RNF213: variants seen among roughly 807,000 people sequenced by gnomAD.
RNF213 encodes the protein E3 ubiquitin-protein ligase RNF213.
RNF213 carries 341 observed loss-of-function variants against 514.4 expected under a neutral mutation model. The observed-to-expected ratio is 0.66, with a 90% CI of 0.61 to 0.73. RNF213 has a LOEUF of 0.73. Among genes scored for constraint, RNF213 ranks in the 30% least tolerant of loss-of-function variants. RNF213 has a pLI of 0.00. For synonymous variants in RNF213, 2,655 were observed against 2,658.2 expected (o/e 1.00, Z 0.04); for missense variants, 5,767 against 6,615.6 (o/e 0.87, Z 4.45).
rs577690513 is a variant in RNF213, at chr17:80,307,125, TAGGATGTTC to T, written c.2437_2445del (p.Asp813_Gln815del). ...CCTGTTTTTCTTTTTTTCTCTGCCT[TAGGATGTTC>T]AGGATGTTCAGAACGTTCAGAACAT... is the stretch of plus-strand genomic sequence containing the variant. On this transcript the variant is annotated splice_acceptor_variant and coding_sequence_variant, in exon 13 of 68. Coordinates refer to ENST00000582970, the MANE Select transcript of RNF213 (RefSeq NM_001256071.3). LOFTEE classifies it high-confidence loss of function. The T allele has an allele frequency of 4.4e-4, 710 of 1,613,762 alleles. 3 individuals are homozygous for T. The highest frequency in any genetic ancestry group is 1.7e-3 in the South Asian group (158 of 91,078).
chr17:80,365,515 GGAGGTAGAGGACAGGCCGTTTTCCTTAA>G (rs71852986), intron 42 of RNF213: 14,500 of 152,302 alleles, frequency 0.095, 1,115 homozygotes, highest in African/African-American at 0.22. Flanking sequence ...AGAAAGCAGG[GGAGGTAGAGGACAGGCCGTTTTCCTTAA>G]GAGCCCAATC....
chr17:80,349,429 G>A (rs1322145202), intron 29 of RNF213, among the ~76,000 whole-genome samples: 2 of 152,168 alleles, frequency 1.3e-5, no homozygotes, highest in African/African-American at 2.4e-5. Flanking sequence ...GAAAGCATGA[G>A]TCGTACTATA....
At chr17:80,279,497 C>T (rs1391916457) in intron 3 of RNF213, among the ~76,000 whole-genome samples, 2 of 151,834 alleles carry the variant, frequency 1.3e-5, no homozygotes, top group South Asian at 2.1e-4. Context: ...CAGAGTCTCG[C>T]TCTGTCGCCC....
In RNF213 at chr17:80,288,687, A is replaced by G; in HGVS notation, c.865A>G (p.Met289Val). The change falls in exon 5 of 68, where the codon ATG (methionine) becomes GTG (valine). Residue 289 changes from methionine (M) to valine (V), a missense_variant. Transcript: ENST00000582970. This position sits in a 1 kb window ranked among gnomAD's most constrained non-coding sequence, Gnocchi z 4.9. ...ANAVKGAGKEMKEKTQRMKQP... is the reference protein window; with the variant it reads ...ANAVKGAGKEVKEKTQRMKQP... ...TGCAGTTAAAGGGGCCGGGAAGGAA[A>G]TGAAAGAGAAGACCCAGAGAATGAA... The G allele has an allele frequency of 6.2e-7, 1 of 1,614,210 alleles. No homozygotes were observed. The highest frequency in any genetic ancestry group is 8.5e-7 in the Non-Finnish European group (1 of 1,180,036).
Position 80,340,315 on chromosome 17 carries a change from G to A in RNF213, c.5948G>A (p.Arg1983Gln), listed in dbSNP as rs374031179. The change falls in exon 26 of 68, where the codon CGG (arginine) becomes CAG (glutamine). Residue 1983 changes from arginine (R) to glutamine (Q), a missense_variant. By Grantham distance (43) the Arg-to-Gln change is conservative. This residue lies in a region of RNF213 where 1,377 missense variants were observed against 1,635.2 expected (regional missense o/e 0.84). Transcript: ENST00000582970. The part of the protein sequence containing the change: ...TLSAAAVFND[R>Q]LCVGIVASER... ...TCGGCGGCAGCCGTGTTCAATGACC[G>A]GCTGTGTGTTGGGATCGTGGCCTCG... is the stretch of plus-strand genomic sequence containing the variant. 3.7e-5 allele frequency: 59 copies of A among 1,613,638 alleles called. No homozygotes were observed. The highest frequency in any genetic ancestry group is 6.7e-5 in the East Asian group (3 of 44,900).
At chr17:80,312,373 G>A (rs1307958854) in intron 14 of RNF213, among the ~76,000 whole-genome samples, 3 of 152,142 alleles carry the variant, frequency 2.0e-5, no homozygotes, top group African/African-American at 4.8e-5. Flanking sequence ...TGGTGGGTCC[G>A]GCACGGAGGC....
chr17:80,266,784 G>C (rs906647868), intron 2 of RNF213, among the ~76,000 whole-genome samples: 2 of 152,042 alleles, frequency 1.3e-5, no homozygotes, highest in African/African-American at 4.8e-5. Context: ...TTACAGGTGT[G>C]AGCCACCCAC....
chr17:80,358,370 C>G lies in RNF213; in HGVS notation c.10945C>G (p.Leu3649Val), dbSNP rs747097271. ...MISFIDRDGN[L>V]ELLTRPDTPP... ...ATCATTCATCGACAGAGACGGCAAC[C>G]TAGAGTTACTGACCAGGCCAGATAC... The change falls in exon 37 of 68, where the codon CTA becomes GTA. Residue 3649 changes from leucine (L) to valine (V), a missense_variant. This residue lies in a region of RNF213 where 919 missense variants were observed against 1,121.0 expected (regional missense o/e 0.82). Coordinates refer to ENST00000582970, the MANE Select transcript of RNF213 (RefSeq NM_001256071.3). 5 of 1,614,158 alleles carry G rather than the reference C, an allele frequency of 3.1e-6. No individual in the cohort carries two copies. The South Asian group carries it at 5.5e-5, about 18-fold the overall frequency.
Position 80,319,655 on chromosome 17 carries a change from T to G in RNF213, c.3024+343T>G, listed in dbSNP as rs1050467304. The G allele has an allele frequency of 1.4e-4, 206 of 1,494,458 alleles. 1 individual carries two copies. The South Asian group carries it at 2.4e-3, about 18-fold the overall frequency. 92.6% of individuals were successfully genotyped at this position (1,494,458 alleles called of 1,614,324 possible). A position where few individuals can be genotyped will look rare whatever the true frequency, so the allele number is the denominator to read the frequency against. On this transcript the variant is annotated intron_variant, in intron 17 of 67. Transcript: ENST00000582970. ...GCTGGTTTGATTGATTGTTAACACT[T>G]GCTCAGTAGGTGTGCGGGAAGAGAC...
At chr17:80,357,426 T>G (rs925822825) in intron 36 of RNF213, among the ~76,000 whole-genome samples, 12 of 152,152 alleles carry the variant, frequency 7.9e-5, no homozygotes, top group Admixed American at 1.3e-4. Context: ...CACCTGTCTA[T>G]CAGACACTCA....
rs1247075114 is a variant in RNF213 at position 80,388,478 on chromosome 17, C to T, written c.14923-134C>T. The T allele has an allele frequency of 1.5e-5, 11 of 734,828 alleles. 1 individual carries two copies. The highest frequency in any genetic ancestry group is 7.2e-5 in the South Asian group (5 of 69,148). The allele number at this position is 734,828 out of a possible 1,614,324, so 45.5% of individuals were successfully genotyped here. ...ATGGTGGGTTAATGACGGAGAGGGG[C>T]GCTCTTAGCCAAGGGATACACAGGG... On this transcript the variant is annotated intron_variant, in intron 63 of 67. Coordinates refer to ENST00000582970, the MANE Select transcript of RNF213 (RefSeq NM_001256071.3).
chr17:80,318,659 C>G (rs531711817), intron 16 of RNF213, among the ~76,000 whole-genome samples: 1 of 152,102 alleles, frequency 6.6e-6, no homozygotes, highest in East Asian at 1.9e-4. Flanking sequence ...CTGCAAACTC[C>G]GCCTCCCGGG....
Position 80,354,129 on chromosome 17 carries a change from C to G in RNF213, c.10689C>G (p.Leu3563=), listed in dbSNP as rs1438556280. The part of the protein sequence containing the change: ...SCTRNMRRVV[L]LLGLLNEDDA... ...CGCGCAATATGCGGAGGGTGGTGCT[C>G]CTCCTGGGCCTCTTGAATGAGGATG... The change falls in exon 35 of 68, where the codon CTC becomes CTG. Residue 3563 remains leucine, a synonymous_variant. Transcript: ENST00000582970. 1 of 1,614,052 alleles carries G rather than the reference C, an allele frequency of 6.2e-7. No homozygotes were observed. The highest frequency in any genetic ancestry group is 1.3e-5 in the African/African-American group (1 of 75,044).
At position 80,317,245 on chromosome 17, in the gene RNF213, T is replaced by A. The variant is rs771407521; in HGVS notation, c.2869T>A (p.Leu957Met). The A allele has an allele frequency of 6.2e-7, 1 of 1,612,778 alleles. No homozygotes were observed. Among genetic ancestry groups the A allele is most frequent in the Non-Finnish European group, 8.5e-7 (1 of 1,179,838 alleles). The change falls in exon 16 of 68, where the codon TTG (leucine) becomes ATG (methionine). Residue 957 changes from leucine (L) to methionine (M), a missense_variant. This residue lies in a region of RNF213 where 4 missense variants were observed against 19.1 expected (regional missense o/e 0.21). Coordinates refer to ENST00000582970, the MANE Select transcript of RNF213 (RefSeq NM_001256071.3). The surrounding 1 kb of genome is among the most constrained non-coding windows in gnomAD (Gnocchi z 4.1). ...FPAEHGWKES[L>M]LGDMEWRLTK... ...CGCGGAGCATGGCTGGAAGGAGTCG[T>A]TGCTGGGAGACATGGAATGGAGGCT...
At chr17:80,392,935 C>CG (rs1003013913) in intron 67 of RNF213, among the ~76,000 whole-genome samples, 2 of 151,646 alleles carry the variant, frequency 1.3e-5, no homozygotes, top group African/African-American at 4.9e-5. Flanking sequence ...CTGATGACAA[C>CG]GGGAAAAAGT....
At chr17:80,388,974 T>C (rs181165795) in intron 64 of RNF213, 199 bp from the exon 65 acceptor site, 2 of 632,188 alleles carry the variant, frequency 3.2e-6, no homozygotes, top group African/African-American at 1.8e-5. Context: ...GCTCTCCGCA[T>C]GCGGGTACTG....
rs1258612900 is a variant in RNF213, at chr17:80,344,785, A to G, written c.6450A>G (p.Thr2150=). The change falls in exon 29 of 68, where the codon ACA becomes ACG. Residue 2150 remains threonine, a synonymous_variant. Transcript: ENST00000582970. ...AGCTGAGTGCCCTGAGGAGTGACAC[A>G]GAGCCTGGGATGGATCTGTGGGAGT... ...DMELSALRSD[T]EPGMDLWEFC... 12 of 1,614,104 alleles carry G rather than the reference A, an allele frequency of 7.4e-6. No individual in the cohort carries two copies. The highest frequency in any genetic ancestry group is 1.0e-5 in the Non-Finnish European group (12 of 1,180,050).
intron 39 of RNF213, among the ~76,000 whole-genome samples, chr17:80,362,899 T>C (rs2079107595): frequency 6.6e-6 from 1 of 152,190 alleles, no homozygotes; most frequent in South Asian, 2.1e-4. Flanking sequence ...TCATGTTCAG[T>C]GGCAAAAAGC....
intron 20 of RNF213, among the ~76,000 whole-genome samples, chr17:80,330,998 T>C (rs1052485486): frequency 6.6e-6 from 1 of 152,192 alleles, no homozygotes; most frequent in African/African-American, 2.4e-5. Flanking sequence ...TTTGTATTTT[T>C]AGTGGAGATG....
Sources: allele counts gnomAD v4.1 joint callset (sites outside exome capture counted in the v4.1 genomes callset), GRCh38; gene constraint gnomAD v4.1.1; regional missense constraint gnomAD v4.1.1; non-coding constraint Gnocchi (gnomAD v3.1); transcripts MANE v1.5; gene names NCBI Gene and HGNC (gene_info 2026-07-23, HGNC 2026-07-21).